The following GPC6 variants were observed in gnomAD, a reference collection of about 807,000 sequenced individuals.
The protein encoded by GPC6 is glypican-6.
Under a neutral mutation model 55.2 loss-of-function variants are expected in GPC6, and 14 were observed. The observed-to-expected ratio is 0.25, with a 90% confidence interval of 0.17 to 0.40. The LOEUF is 0.40. GPC6 is among the 10% of genes least tolerant of loss of function. The probability of loss-of-function intolerance (pLI) is 1.00; values close to 1 mark genes in which losing one functional copy is unlikely to be tolerated. For missense variants in GPC6, 641 were observed against 708.5 expected, an observed-to-expected ratio of 0.90 and a Z score of 1.08; for synonymous variants, 278 against 259.6, an observed-to-expected ratio of 1.07 and a Z score of -0.68.
At chr13:93,774,675 T>G (rs542543383) in intron 2 of GPC6, among the ~76,000 whole-genome samples, 1 of 152,290 alleles carries the variant, frequency 6.6e-6, no homozygotes, top group Non-Finnish European at 1.5e-5. Flanking sequence ...TGTCATAATC[T>G]TATTTGGAGC....
intron 1 of GPC6, among the ~76,000 whole-genome samples, chr13:93,386,252 G>C (rs183673737): frequency 6.6e-6 from 1 of 152,226 alleles, no homozygotes; most frequent in Non-Finnish European, 1.5e-5. Flanking sequence ...TAAATGGAAG[G>C]GAGAAACATT....
chr13:93,523,203 G>GTGTATATGTATATATGGGTACATA (rs1335768125), intron 1 of GPC6, among the ~76,000 whole-genome samples: 1 of 138,574 alleles, frequency 7.2e-6, no homozygotes, highest in East Asian at 2.2e-4. Context: ...GGATAATATT[G>GTGTATATGTATATATGGGTACATA]TGTATATGTA....
chr13:94,391,584 T>C (rs1880646901), intron 7 of GPC6, among the ~76,000 whole-genome samples: 1 of 152,214 alleles, frequency 6.6e-6, no homozygotes, highest in African/African-American at 2.4e-5. Context: ...AAAAAAGTAA[T>C]TCTTATCAAG....
intron 2 of GPC6, among the ~76,000 whole-genome samples, chr13:93,682,876 G>C (rs1314603769): frequency 6.7e-6 from 1 of 149,938 alleles, no homozygotes; most frequent in African/African-American, 2.4e-5. Context: ...AAAGTAGCCA[G>C]GTGTGGTAGT....
chr13:94,109,376 G>A (rs1886161263), intron 4 of GPC6, among the ~76,000 whole-genome samples: 1 of 151,862 alleles, frequency 6.6e-6, no homozygotes, highest in Non-Finnish European at 1.5e-5. Context: ...ACTGATTTAT[G>A]GTTTCAATCA....
At chr13:93,833,595 C>G (rs1482206597) in intron 3 of GPC6, among the ~76,000 whole-genome samples, 2 of 151,662 alleles carry the variant, frequency 1.3e-5, no homozygotes, top group Non-Finnish European at 2.9e-5. Flanking sequence ...TTCAGTTTCT[C>G]TCTACATTTA....
At chr13:94,046,432 T>A (rs1883735510) in intron 4 of GPC6, among the ~76,000 whole-genome samples, 1 of 152,064 alleles carries the variant, frequency 6.6e-6, no homozygotes, top group African/African-American at 2.4e-5. Flanking sequence ...TTGAACTTAT[T>A]GTGTGGACAT....
chr13:94,202,910 A>G (rs1889798400), intron 4 of GPC6, among the ~76,000 whole-genome samples: 2 of 152,032 alleles, frequency 1.3e-5, no homozygotes, highest in Admixed American at 1.3e-4. Context: ...TGCAATAGGA[A>G]ATCAAACTAG....
intron 3 of GPC6, among the ~76,000 whole-genome samples, chr13:93,944,203 TTTATTTATTTA>T (rs1300803849): frequency 1.5e-4 from 22 of 150,788 alleles, no homozygotes; most frequent in Admixed American, 5.3e-4. Context: ...TATTTATTTA[TTTATTTATTTA>T]TTTTTTCCTG....
chr13:93,711,616 G>T (rs1226084093), intron 2 of GPC6, among the ~76,000 whole-genome samples: 2 of 150,780 alleles, frequency 1.3e-5, no homozygotes. Context: ...ATCTCCAGTT[G>T]TTCTGTATTG....
At chr13:93,848,824 G>A (rs1888292988) in intron 3 of GPC6, among the ~76,000 whole-genome samples, 1 of 152,012 alleles carries the variant, frequency 6.6e-6, no homozygotes, top group Non-Finnish European at 1.5e-5. Context: ...TTTTATCAGA[G>A]TTTCTTTGCC....
chr13:94,400,567 T>C (rs1163894134), intron 8 of GPC6, among the ~76,000 whole-genome samples: 1 of 152,162 alleles, frequency 6.6e-6, no homozygotes, highest in Non-Finnish European at 1.5e-5. Flanking sequence ...ATTGAAGTGA[T>C]CTTATCTGGT....
intron 1 of GPC6, among the ~76,000 whole-genome samples, chr13:93,431,521 G>GT (rs1877358399): frequency 6.6e-6 from 1 of 152,108 alleles, no homozygotes; most frequent in Non-Finnish European, 1.5e-5. Flanking sequence ...TGAAAGATAA[G>GT]TGAAAATTAA....
chr13:94,000,459 C>T (rs1482054515), intron 3 of GPC6, among the ~76,000 whole-genome samples: 1 of 152,146 alleles, frequency 6.6e-6, no homozygotes, highest in Admixed American at 6.6e-5. Context: ...TATGGCAATG[C>T]TTAGAACTCA....
chr13:93,234,436 A>G (rs992236981), intron 1 of GPC6, among the ~76,000 whole-genome samples: 1 of 152,124 alleles, frequency 6.6e-6, no homozygotes, highest in Non-Finnish European at 1.5e-5. Context: ...GCTGTTGAAT[A>G]AGTGTTTTAA....
In GPC6 at chr13:93,693,461, C is replaced by CTGTGTGTGTGTGTGTG. The variant is rs35459356; in HGVS notation, c.320-136667_320-136652dup. Among the ~76,000 whole-genome samples, 328 of 139,414 alleles carry CTGTGTGTGTGTGTGTG rather than the reference C, an allele frequency of 2.4e-3. 6 individuals carry two copies. Among genetic ancestry groups the CTGTGTGTGTGTGTGTG allele is most frequent in the Non-Finnish European group, 3.3e-3 (212 of 64,548 alleles). 91.5% of individuals were successfully genotyped at this position (139,414 alleles called of 152,430 possible). ...TATATGTGTGTGTGTGTATGTATATCTGTGTGTGTGTGTGTGTGTGTGTGT... is the reference window on the plus strand; with the variant it reads ...TATATGTGTGTGTGTGTATGTATATCTGTGTGTGTGTGTGTGTGTGTGTGTGTGTGTGTGTGTGTGT... On this transcript the variant is annotated intron_variant, in intron 2 of 8. Coordinates refer to ENST00000377047, the MANE Select transcript of GPC6 (RefSeq NM_005708.5).
At chr13:93,719,873 G>T (rs1883390616) in intron 2 of GPC6, among the ~76,000 whole-genome samples, 1 of 152,054 alleles carries the variant, frequency 6.6e-6, no homozygotes, top group African/African-American at 2.4e-5. Context: ...CTGTTTATGT[G>T]ATGGATTACA....
intron 1 of GPC6, among the ~76,000 whole-genome samples, chr13:93,230,755 C>G (rs1875977406): frequency 6.6e-6 from 1 of 152,054 alleles, no homozygotes; most frequent in Non-Finnish European, 1.5e-5. Context: ...GAATTATGAC[C>G]TAAGTTTCCA....
chr13:93,386,456 G>A (rs1875410926), intron 1 of GPC6, among the ~76,000 whole-genome samples: 2 of 151,676 alleles, frequency 1.3e-5, no homozygotes, highest in Admixed American at 6.6e-5. Context: ...TTTCATGTTA[G>A]TGTCTACACT....
Sources: allele counts gnomAD v4.1 joint callset (sites outside exome capture counted in the v4.1 genomes callset), GRCh38; gene constraint gnomAD v4.1.1; transcripts MANE v1.5; gene names NCBI Gene and HGNC (gene_info 2026-07-23, HGNC 2026-07-21).